The following SIL1 variants were observed in gnomAD, a reference collection of about 807,000 sequenced individuals.
SIL1 encodes nucleotide exchange factor SIL1.
Under a neutral mutation model 49.1 loss-of-function variants are expected in SIL1, and 40 were observed. The ratio of observed to expected loss-of-function variants is 0.81; its 90% CI spans 0.63 to 1.06. The LOEUF is 1.06. Among genes scored for constraint, SIL1 ranks in the 50% least tolerant of loss-of-function variants. The pLI is 0.00. For synonymous variants in SIL1, 253 were observed against 250.8 expected, an observed-to-expected ratio of 1.01 and a Z score of -0.08; for missense variants, 500 against 572.6, an observed-to-expected ratio of 0.87 and a Z score of 1.29.
At chr5:139,164,116 C>CAA (rs397999400) in intron 1 of SIL1, among the ~76,000 whole-genome samples, 13,888 of 114,400 alleles carry the variant, frequency 0.12, 1,967 homozygotes, top group African/African-American at 0.36. Context: ...GAGAATGTCT[C>CAA]AAAAAAAAAA....
chr5:139,075,386 T>A (rs750788479), intron 3 of SIL1, among the ~76,000 whole-genome samples: 5 of 152,046 alleles, frequency 3.3e-5, no homozygotes, highest in Non-Finnish European at 7.4e-5. Flanking sequence ...TCCAAACTAC[T>A]CTATAGAGGA....
chr5:139,041,049 G>A (rs187007266), intron 5 of SIL1, among the ~76,000 whole-genome samples: 4 of 152,218 alleles, frequency 2.6e-5, no homozygotes, highest in Admixed American at 1.3e-4. Context: ...ACATGGAACC[G>A]ACAGTGGGTG....
At chr5:138,951,744 A>T in intron 8 of SIL1, 44 bp downstream of exon 8, 7 of 1,558,000 alleles carry the variant, frequency 4.5e-6, no homozygotes, top group Non-Finnish European at 6.2e-6. Flanking sequence ...CAGGCCCCAC[A>T]CGTGTCCTGG....
chr5:139,144,740 G>A (rs1036247784), intron 1 of SIL1, among the ~76,000 whole-genome samples: 7 of 151,916 alleles, frequency 4.6e-5, no homozygotes, highest in South Asian at 2.1e-4. Flanking sequence ...GCGTGGTGGC[G>A]GGCACCTTTA....
At position 139,059,293 on chromosome 5, in the gene SIL1, A is replaced by G. The variant is rs138098560; in HGVS notation, c.245-8247T>C. Among the ~76,000 whole-genome samples the G allele has an allele frequency of 1.4e-3, 209 of 152,184 alleles. 5 individuals carry two copies. In the East Asian group the frequency reaches 0.031, roughly 23 times the overall value. ...GAGATCTGATGGTTTTATAAAGGGCAGTTCCCCTGCACACGCTCTCTTTCC... is the reference window on the plus strand; with the variant it reads ...GAGATCTGATGGTTTTATAAAGGGCGGTTCCCCTGCACACGCTCTCTTTCC... On this transcript the variant is annotated intron_variant, in intron 3 of 9. Transcript: ENST00000394817.
chr5:138,987,070 T>C (rs531859303), intron 7 of SIL1, among the ~76,000 whole-genome samples: 63 of 148,518 alleles, frequency 4.2e-4, no homozygotes, highest in African/African-American at 1.6e-3. Flanking sequence ...TATTTTGTTT[T>C]ATTTATGATA....
At chr5:139,175,406 G>A (rs1751861262) in intron 1 of SIL1, among the ~76,000 whole-genome samples, 1 of 152,158 alleles carries the variant, frequency 6.6e-6, no homozygotes, top group South Asian at 2.1e-4. Context: ...CAAATTCATA[G>A]AACCAAAATC....
At chr5:139,147,345 C>G (rs1751213395) in intron 1 of SIL1, among the ~76,000 whole-genome samples, 2 of 152,208 alleles carry the variant, frequency 1.3e-5, no homozygotes, top group African/African-American at 4.8e-5. Flanking sequence ...CAGCAACACT[C>G]TACAGATCAG....
intron 5 of SIL1, among the ~76,000 whole-genome samples, chr5:139,040,261 G>T (rs1325014933): frequency 6.6e-6 from 1 of 152,150 alleles, no homozygotes; most frequent in Non-Finnish European, 1.5e-5. Flanking sequence ...CATTGGCAGT[G>T]AGCTGAGTCA....
chr5:139,127,777 C>A lies in SIL1; in HGVS notation c.67G>T (p.Ala23Ser). 5.0e-6 allele frequency: 8 copies of A among 1,610,920 alleles called. No individual in the cohort carries two copies. Among genetic ancestry groups the A allele is most frequent in the Non-Finnish European group, 6.8e-6 (8 of 1,179,416 alleles). ...CTGAGGCAGAAGGTGAAGCAGGCGG[C>A]CATCAGCAGCCCAAGCAGCATGCCC... ...PLGMLLGLLM[A>S]ACFTFCLSHQ... is the part of the protein sequence containing the mutation. The change falls in exon 2 of 10, where the codon GCC becomes TCC. Residue 23 changes from alanine (A) to serine (S), a missense_variant. Physicochemically the swap from Ala to Ser is moderately conservative, Grantham distance 99. Coordinates refer to ENST00000394817, the MANE Select transcript of SIL1 (RefSeq NM_022464.5).
At chr5:139,140,451 T>C (rs764611401) in intron 1 of SIL1, among the ~76,000 whole-genome samples, 29 of 152,244 alleles carry the variant, frequency 1.9e-4, no homozygotes, top group Non-Finnish European at 3.8e-4. Context: ...GTATCAACTA[T>C]GTCTTCCAGG....
At chr5:139,050,713 T>C (rs1769265992) in intron 4 of SIL1, among the ~76,000 whole-genome samples, 1 of 152,330 alleles carries the variant, frequency 6.6e-6, no homozygotes, top group East Asian at 1.9e-4. Context: ...AGGTTAAGCA[T>C]TCCCCCTACA....
intron 7 of SIL1, among the ~76,000 whole-genome samples, chr5:138,958,392 T>A (rs1249563357): frequency 6.6e-6 from 1 of 152,198 alleles, no homozygotes; most frequent in Non-Finnish European, 1.5e-5. Context: ...CATACTTGGT[T>A]ATGGTGGTAT....
At chr5:139,171,106 G>A (rs1433813498) in intron 1 of SIL1, among the ~76,000 whole-genome samples, 4 of 150,244 alleles carry the variant, frequency 2.7e-5, no homozygotes, top group Non-Finnish European at 4.4e-5. Context: ...CCGGCCAGCC[G>A]CCCCGTCCGG....
At chr5:139,067,291 A>G (rs912524658) in intron 3 of SIL1, among the ~76,000 whole-genome samples, 1 of 152,234 alleles carries the variant, frequency 6.6e-6, no homozygotes, top group Non-Finnish European at 1.5e-5. Flanking sequence ...TGAGAATTGC[A>G]AAGACAGAAA....
intron 4 of SIL1, among the ~76,000 whole-genome samples, chr5:139,048,369 GTTTTTTTTTTTTT>G (rs35482601): frequency 1.1e-5 from 1 of 87,760 alleles, no homozygotes; most frequent in African/African-American, 4.6e-5. Context: ...TTTGTTGTTG[GTTTTTTTTTTTTT>G]TTTTTTTTTT....
chr5:139,038,457 C>T (rs1768967190), intron 5 of SIL1, among the ~76,000 whole-genome samples: 1 of 152,136 alleles, frequency 6.6e-6, no homozygotes, highest in Non-Finnish European at 1.5e-5. Flanking sequence ...CCTTTGTGTG[C>T]TACCCAGAGG....
At chr5:139,093,706 A>C (rs986912571) in intron 3 of SIL1, 1 of 152,230 alleles carries the variant, frequency 6.6e-6, no homozygotes, top group Non-Finnish European at 1.5e-5. Flanking sequence ...TTGGGATCAC[A>C]TGATGTCAGG....
intron 1 of SIL1, among the ~76,000 whole-genome samples, chr5:139,183,483 T>C (rs531900741): frequency 6.6e-6 from 1 of 152,160 alleles, no homozygotes; most frequent in African/African-American, 2.4e-5. Context: ...TGATTTTCCA[T>C]ATTCTATTCA....
Sources: gnomAD v4.1 joint callset for allele counts (sites outside exome capture counted in the v4.1 genomes callset) on GRCh38, gnomAD v4.1.1 for gene constraint, MANE v1.5 for transcripts, NCBI Gene and HGNC (gene_info 2026-07-23, HGNC 2026-07-21) for gene names.